The following MYH9 variants were observed in gnomAD, a reference collection of about 807,000 sequenced individuals.
MYH9 encodes the protein myosin heavy chain 9, also known as myosin-9.
A neutral mutation model predicts 241.9 loss-of-function variants in MYH9; 29 were observed. The ratio of observed to expected loss-of-function variants is 0.12; its 90% CI spans 0.09 to 0.16. MYH9 has a LOEUF of 0.16. Among genes scored for constraint, MYH9 ranks in the 10% least tolerant of loss-of-function variants. MYH9 has a pLI of 1.00. For synonymous variants in MYH9, 1,047 were observed against 1,062.6 expected (o/e 0.99, Z 0.29); for missense variants, 1,803 against 2,595.5 (o/e 0.69, Z 6.63).
chr22:36,368,004 AAC>A (rs370014891), intron 1 of MYH9, among the ~76,000 whole-genome samples: 1 of 151,384 alleles, frequency 6.6e-6, no homozygotes, highest in Non-Finnish European at 1.5e-5. Flanking sequence ...CACATATACA[AAC>A]ACACACACAC....
At chr22:36,309,996 T>A (rs2146352454) in intron 14 of MYH9, among the ~76,000 whole-genome samples, 1 of 152,088 alleles carries the variant, frequency 6.6e-6, no homozygotes, top group African/African-American at 2.4e-5. Flanking sequence ...ATGCCTGTAA[T>A]CCCAGCACTT....
intron 6 of MYH9, 120 bp from the exon 7 acceptor site, chr22:36,321,941 C>A: frequency 2.2e-6 from 2 of 912,814 alleles, no homozygotes; most frequent in Non-Finnish European, 3.6e-6. Flanking sequence ...GGGAGAAAAC[C>A]CAGAGACGGG....
At chr22:36,359,094 T>C (rs1019002205) in intron 1 of MYH9, among the ~76,000 whole-genome samples, 82 of 152,200 alleles carry the variant, frequency 5.4e-4, no homozygotes, top group Non-Finnish European at 1.0e-3. Flanking sequence ...CGCTCCCTTC[T>C]CTAAAGACTT....
intron 31 of MYH9, among the ~76,000 whole-genome samples, chr22:36,291,535 C>G (rs1361795021): frequency 6.6e-6 from 1 of 152,052 alleles, no homozygotes; most frequent in Non-Finnish European, 1.5e-5. Flanking sequence ...GGGACACAAA[C>G]ACTGCGGAAG....
intron 2 of MYH9, among the ~76,000 whole-genome samples, chr22:36,344,362 C>CA (rs1440012682): frequency 6.6e-6 from 1 of 152,244 alleles, no homozygotes; most frequent in Non-Finnish European, 1.5e-5. Flanking sequence ...ACGCCACCCA[C>CA]AATGCTGGGC....
chr22:36,320,118 C>A lies in MYH9; in HGVS notation c.1012+102G>T. 3 of 1,549,996 alleles carry A rather than the reference C, an allele frequency of 1.9e-6. No homozygotes were observed. Among genetic ancestry groups the A allele is most frequent in the Non-Finnish European group, 2.7e-6 (3 of 1,129,604 alleles). On this transcript the variant is annotated intron_variant, in intron 9 of 40. Coordinates refer to ENST00000216181, the MANE Select transcript of MYH9 (RefSeq NM_002473.6). The surrounding 1 kb of genome is among the most constrained non-coding windows in gnomAD (Gnocchi z 4.8). ...GAAGGCCTTCCCCTTCCCCTGGCCTCTAGCAGGCTCCCCAGGCCCATCGGC... is the reference window on the plus strand; with the variant it reads ...GAAGGCCTTCCCCTTCCCCTGGCCTATAGCAGGCTCCCCAGGCCCATCGGC...
intron 14 of MYH9, among the ~76,000 whole-genome samples, chr22:36,310,110 C>T (rs1162182245): frequency 6.6e-6 from 1 of 151,974 alleles, no homozygotes; most frequent in Non-Finnish European, 1.5e-5. Flanking sequence ...ATTAGCCGGG[C>T]GTGGTGGCAC....
intron 3 of MYH9, among the ~76,000 whole-genome samples, chr22:36,336,276 G>A (rs999166572): frequency 3.3e-5 from 5 of 152,248 alleles, no homozygotes; most frequent in Non-Finnish European, 4.4e-5. Flanking sequence ...TCCTCAACCA[G>A]TGAGTTCTCC....
chr22:36,283,954 G>A, intron 40 of MYH9, 139 bp downstream of exon 40: 1 of 1,014,346 alleles, frequency 9.9e-7, no homozygotes, highest in East Asian at 2.4e-5. Flanking sequence ...CAAAGGCAAG[G>A]AGCCAGAAGG....
At chr22:36,357,382 G>A (rs191292846) in intron 1 of MYH9, among the ~76,000 whole-genome samples, 3 of 152,280 alleles carry the variant, frequency 2.0e-5, no homozygotes, top group Admixed American at 6.5e-5. Context: ...CATACAAAAC[G>A]ATGCCACGGC....
chr22:36,288,257 G>C lies in MYH9; in HGVS notation c.4927C>G (p.Leu1643Val), dbSNP rs727504669. Residue 1643 changes from leucine (L) to valine (V), a missense_variant, in exon 34 of 41, where the codon CTG becomes GTG. Transcript: ENST00000216181. This position sits in a 1 kb window ranked among gnomAD's most constrained non-coding sequence, Gnocchi z 4.8. ...RDEAIKQLRK[L>V]QAQMKDCMRE... ...TGGGCCCCGCCCACCCTTACCTGCA[G>C]CTTCCGCAGCTGTTTGATGGCTTCG... 1 of 1,613,924 alleles carries C rather than the reference G, an allele frequency of 6.2e-7. No homozygotes were observed. Among genetic ancestry groups the C allele is most frequent in the South Asian group, 1.1e-5 (1 of 91,080 alleles).
rs369445761 is a variant in MYH9, at chr22:36,309,241, G to A, written c.1843+41C>T. ...TGTGGAGGTGGGAAGATGACCAGCC[G>A]CAGCCAAGAGGAGGCAGGGGGCGAA... On this transcript the variant is annotated intron_variant, in intron 15 of 40. Transcript: ENST00000216181. 58 of 1,542,420 alleles carry A rather than the reference G, an allele frequency of 3.8e-5. No individual in the cohort carries two copies. In the East Asian group the frequency reaches 4.9e-4, roughly 13 times the overall value.
In MYH9 at chr22:36,322,495, C is replaced by A; in HGVS notation, c.639G>T (p.Gln213His). ...DQGELERQLL[Q>H]ANPILEAFGN... Reference sequence around the variant, plus strand: ...CGAAGGCCTCCAGGATGGGGTTGGCCTGCAGCAGCTGCCGCTCCAGCTCGC... The same window carrying A: ...CGAAGGCCTCCAGGATGGGGTTGGCATGCAGCAGCTGCCGCTCCAGCTCGC... The change falls in exon 6 of 41, where the codon CAG (glutamine) becomes CAT (histidine). Residue 213 changes from glutamine (Q) to histidine (H), a missense_variant. This residue lies in a region of MYH9 where 222 missense variants were observed against 359.9 expected (regional missense o/e 0.62). Coordinates refer to ENST00000216181, the MANE Select transcript of MYH9 (RefSeq NM_002473.6). 6.2e-7 allele frequency: 1 copy of A among 1,613,366 alleles called. No homozygotes were observed. Among genetic ancestry groups the A allele is most frequent in the South Asian group, 1.1e-5 (1 of 91,088 alleles).
chr22:36,284,593 TC>T, intron 38 of MYH9, 82 bp from the exon 39 acceptor site: 3 of 1,322,790 alleles, frequency 2.3e-6, no homozygotes, highest in Non-Finnish European at 3.2e-6. Flanking sequence ...GACCACCCAT[TC>T]CCCGGGGCTC....
At chr22:36,376,611 T>A (rs1984309164) in intron 1 of MYH9, among the ~76,000 whole-genome samples, 2 of 152,156 alleles carry the variant, frequency 1.3e-5, no homozygotes, top group Non-Finnish European at 2.9e-5. Flanking sequence ...TACCCAATAC[T>A]TGGTTCTTAA....
Position 36,293,281 on chromosome 22 carries a change from G to A in MYH9, c.4095+48C>T. 6.2e-7 allele frequency: 1 copy of A among 1,611,726 alleles called. No homozygotes were observed. Among genetic ancestry groups the A allele is most frequent in the Non-Finnish European group, 8.5e-7 (1 of 1,179,304 alleles). ...CAGTGCCCAGGCCAGTGCCCGGCCAGCAGCTCCCCAGCCTGCAGAGTCCGG... is the reference window on the plus strand; with the variant it reads ...CAGTGCCCAGGCCAGTGCCCGGCCAACAGCTCCCCAGCCTGCAGAGTCCGG... On this transcript the variant is annotated intron_variant, in intron 30 of 40. Transcript: ENST00000216181. The surrounding 1 kb of genome is among the most constrained non-coding windows in gnomAD (Gnocchi z 5.1).
chr22:36,328,143 C>G (rs1395858323), intron 3 of MYH9, among the ~76,000 whole-genome samples: 1 of 152,232 alleles, frequency 6.6e-6, no homozygotes, highest in Non-Finnish European at 1.5e-5. Context: ...GCAATGATGT[C>G]ACTTTAGAGG....
chr22:36,288,447 G>A lies in MYH9; in HGVS notation c.4771-34C>T. 1.2e-6 allele frequency: 2 copies of A among 1,603,318 alleles called. No individual in the cohort carries two copies. The highest frequency in any genetic ancestry group is 8.5e-7 in the Non-Finnish European group (1 of 1,179,850). On this transcript the variant is annotated intron_variant, in intron 33 of 40. Coordinates refer to ENST00000216181, the MANE Select transcript of MYH9 (RefSeq NM_002473.6). This position sits in a 1 kb window ranked among gnomAD's most constrained non-coding sequence, Gnocchi z 4.8. ...AGGAACATCAACAACTTGGGAAGCTGGACCCACTGGGAGACCCTGCCCTAG... is the reference window on the plus strand; with the variant it reads ...AGGAACATCAACAACTTGGGAAGCTAGACCCACTGGGAGACCCTGCCCTAG...
chr22:36,380,283 G>A (rs1301450064), intron 1 of MYH9, among the ~76,000 whole-genome samples: 2 of 152,208 alleles, frequency 1.3e-5, no homozygotes, highest in Admixed American at 6.5e-5. Flanking sequence ...GAGAAGGGGG[G>A]TAGGGCCCTC....
Sources: allele counts gnomAD v4.1 joint callset (sites outside exome capture counted in the v4.1 genomes callset), GRCh38; gene constraint gnomAD v4.1.1; regional missense constraint gnomAD v4.1.1; non-coding constraint Gnocchi (gnomAD v3.1); transcripts MANE v1.5; gene names NCBI Gene and HGNC (gene_info 2026-07-23, HGNC 2026-07-21).